Variants in PODXL observed in about 807,000 individuals in gnomAD.
PODXL encodes podocalyxin.
In PODXL, 20 loss-of-function variants were observed where a neutral mutation model predicts 48.9. The ratio of observed to expected loss-of-function variants is 0.41; its 90% confidence interval spans 0.29 to 0.59. The LOEUF (loss-of-function observed/expected upper bound fraction) is 0.59. PODXL is among the 20% of genes least tolerant of loss of function. The pLI is 0.31. For synonymous variants in PODXL, 295 were observed against 287.4 expected (o/e 1.03, Z -0.27); for missense variants, 606 against 675.1 (o/e 0.90, Z 1.13).
intron 1 of PODXL, among the ~76,000 whole-genome samples, chr7:131,529,856 T>C (rs1798246783): frequency 6.6e-6 from 1 of 151,270 alleles, no homozygotes; most frequent in African/African-American, 2.5e-5. Flanking sequence ...AGCACGACAC[T>C]GTATACTAGG....
At chr7:131,510,007 C>T (rs1044856349) in intron 3 of PODXL, among the ~76,000 whole-genome samples, 1 of 152,192 alleles carries the variant, frequency 6.6e-6, no homozygotes, top group South Asian at 2.1e-4. Flanking sequence ...GTGGCACCCT[C>T]CTGTGGAGCG....
At chr7:131,532,527 GT>G (rs71529711) in intron 1 of PODXL, among the ~76,000 whole-genome samples, 1 of 150,232 alleles carries the variant, frequency 6.7e-6, no homozygotes, top group Non-Finnish European at 1.5e-5. Flanking sequence ...TGGAGGGGGG[GT>G]ACATTTTTGG....
At chr7:131,542,685 AAT>A (rs1798502434) in intron 1 of PODXL, among the ~76,000 whole-genome samples, 1 of 152,106 alleles carries the variant, frequency 6.6e-6, no homozygotes, top group Non-Finnish European at 1.5e-5. Context: ...AACAGCAACA[AAT>A]AAAGTGGAAA....
At chr7:131,513,774 G>A (rs1203342120) in intron 1 of PODXL, among the ~76,000 whole-genome samples, 3 of 152,202 alleles carry the variant, frequency 2.0e-5, no homozygotes, top group African/African-American at 7.2e-5. Context: ...GCTTGAGTGA[G>A]GTTCAAAGTA....
At chr7:131,514,543 C>T (rs1277022011) in intron 1 of PODXL, among the ~76,000 whole-genome samples, 1 of 151,892 alleles carries the variant, frequency 6.6e-6, no homozygotes, top group African/African-American at 2.4e-5. Flanking sequence ...TGGCAAGATA[C>T]TAGATTGCTA....
At chr7:131,543,144 A>G (rs558240880) in intron 1 of PODXL, among the ~76,000 whole-genome samples, 2 of 152,266 alleles carry the variant, frequency 1.3e-5, no homozygotes, top group Admixed American at 6.5e-5. Context: ...TTATTTAAAG[A>G]TAGGGTCTTG....
chr7:131,511,500 C>T (rs1389815554), intron 1 of PODXL, 67 bp from the exon 2 acceptor site: 2 of 1,540,192 alleles, frequency 1.3e-6, no homozygotes, highest in Non-Finnish European at 1.8e-6. Flanking sequence ...TTCTCCAGCT[C>T]TTCCCCAGGA....
At chr7:131,510,452 G>C in intron 2 of PODXL, 121 bp from the exon 3 acceptor site, 1 of 284,684 alleles carries the variant, frequency 3.5e-6, no homozygotes, top group Non-Finnish European at 6.8e-6. Context: ...GGAGGTTGCA[G>C]TGAGCAGAGA....
intron 1 of PODXL, among the ~76,000 whole-genome samples, chr7:131,537,548 A>G (rs932581602): frequency 2.0e-5 from 3 of 151,920 alleles, no homozygotes; most frequent in Non-Finnish European, 4.4e-5. Flanking sequence ...AGCCGAGATT[A>G]CACCATTGCA....
chr7:131,542,752 G>C (rs1373314085), intron 1 of PODXL, among the ~76,000 whole-genome samples: 1 of 152,162 alleles, frequency 6.6e-6, no homozygotes, highest in Non-Finnish European at 1.5e-5. Flanking sequence ...AGCATCCTCC[G>C]CCTTGGATTT....
intron 1 of PODXL, among the ~76,000 whole-genome samples, chr7:131,544,243 C>G (rs1165622465): frequency 6.6e-6 from 1 of 152,222 alleles, no homozygotes; most frequent in Non-Finnish European, 1.5e-5. Flanking sequence ...ATACCCAGCG[C>G]TTAGCCAACA....
chr7:131,550,785 G>GCA (rs145924173), intron 1 of PODXL, among the ~76,000 whole-genome samples: 53 of 150,788 alleles, frequency 3.5e-4, no homozygotes, highest in East Asian at 9.7e-4. Flanking sequence ...ATACATGCAC[G>GCA]CACACACACA....
At chr7:131,537,991 C>A (rs1450715570) in intron 1 of PODXL, among the ~76,000 whole-genome samples, 1 of 152,188 alleles carries the variant, frequency 6.6e-6, no homozygotes, top group Non-Finnish European at 1.5e-5. Context: ...TGGGCGGCTT[C>A]CAGTTTAGGG....
At chr7:131,511,764 C>T (rs1434661681) in intron 1 of PODXL, among the ~76,000 whole-genome samples, 1 of 152,160 alleles carries the variant, frequency 6.6e-6, no homozygotes, top group Non-Finnish European at 1.5e-5. Flanking sequence ...CATGAAACCT[C>T]TAAGAGGGCA....
rs1270185169 is a variant in PODXL at position 131,537,319 on chromosome 7, A to G, written c.100+18941T>C. Among the ~76,000 whole-genome samples, 5 of 151,256 alleles carry G rather than the reference A, an allele frequency of 3.3e-5. No individual in the cohort carries two copies. The East Asian group carries it at 9.8e-4, about 30-fold the overall frequency. ...AGTGAGAACCTGTTTTTTTAAAAAA[A>G]AAAAGCCAAGCACGGTGGCTCACGC... On this transcript the variant is annotated intron_variant, in intron 1 of 8. Coordinates refer to ENST00000378555, the MANE Select transcript of PODXL (RefSeq NM_001018111.3).
In PODXL at chr7:131,556,616, C is replaced by T; in HGVS notation, c.-257G>A. 3.8e-6 allele frequency: 1 copy of T among 262,410 alleles called. No individual in the cohort carries two copies. Among genetic ancestry groups the T allele is most frequent in the Non-Finnish European group, 7.0e-6 (1 of 143,832 alleles). The allele number at this position is 262,410 out of a possible 1,614,324, so 16.3% of individuals were successfully genotyped here. A position where few individuals can be genotyped will look rare whatever the true frequency, so the allele number is the denominator to read the frequency against. On this transcript the variant is annotated 5_prime_UTR_variant, in exon 1 of 9. Transcript: ENST00000378555. ...TGCGTCCTGGGCGGCGTCTGCGCGG[C>T]TGCGGCCCCACTGGCGGCTGCGGCT...
intron 1 of PODXL, among the ~76,000 whole-genome samples, chr7:131,514,521 CAT>C (rs1024878752): frequency 7.2e-5 from 11 of 151,924 alleles, no homozygotes; most frequent in African/African-American, 2.7e-4. Context: ...TTGATGGCAT[CAT>C]AGTGTCATCT....
chr7:131,506,061 G>T lies in PODXL; in HGVS notation c.1312-26C>A, dbSNP rs1436057882. 2.5e-6 allele frequency: 4 copies of T among 1,600,478 alleles called. No individual in the cohort carries two copies. In the South Asian group the frequency reaches 3.4e-5, roughly 13 times the overall value. On this transcript the variant is annotated intron_variant, in intron 7 of 8. Transcript: ENST00000378555. ...CTGCATGGGAAGTGGCAGAGAACAG[G>T]CTGGGGGCATCCTCTCTCCCTCAGC...
chr7:131,504,309 G>A lies in PODXL; in HGVS notation c.*2C>T. On this transcript the variant is annotated 3_prime_UTR_variant, in exon 9 of 9. Transcript: ENST00000378555. ...GCTGCTGGAGGCCACCGGCAGACCGGACTAGAGGTGTGTGTCTTCCTCCTC... is the reference window on the plus strand; with the variant it reads ...GCTGCTGGAGGCCACCGGCAGACCGAACTAGAGGTGTGTGTCTTCCTCCTC... 1 of 1,613,680 alleles carries A rather than the reference G, an allele frequency of 6.2e-7. No individual in the cohort carries two copies. Among genetic ancestry groups the A allele is most frequent in the Non-Finnish European group, 8.5e-7 (1 of 1,179,678 alleles).
Sources: gnomAD v4.1 joint callset for allele counts (sites outside exome capture counted in the v4.1 genomes callset) on GRCh38, gnomAD v4.1.1 for gene constraint, MANE v1.5 for transcripts, NCBI Gene and HGNC (gene_info 2026-07-23, HGNC 2026-07-21) for gene names.